Variants in ELAPOR1 observed in about 807,000 individuals in gnomAD.
ELAPOR1 encodes the protein endosome/lysosome-associated apoptosis and autophagy regulator 1.
Under a neutral mutation model 119.7 loss-of-function variants are expected in ELAPOR1, and 77 were observed. That is an observed-to-expected ratio of 0.64 (90% CI 0.54 to 0.78). ELAPOR1 has a LOEUF of 0.78. Among genes scored for constraint, ELAPOR1 ranks in the 30% least tolerant of loss-of-function variants. The pLI, the probability that ELAPOR1 is intolerant of heterozygous loss-of-function variation, is 0.00. For missense variants in ELAPOR1, 1,115 were observed against 1,270.4 expected, an observed-to-expected ratio of 0.88 and a Z score of 1.86; for synonymous variants, 481 against 487.2, an observed-to-expected ratio of 0.99 and a Z score of 0.17.
At chr1:109,149,222 G>A (rs1650375212) in intron 1 of ELAPOR1, among the ~76,000 whole-genome samples, 1 of 152,156 alleles carries the variant, frequency 6.6e-6, no homozygotes, top group Non-Finnish European at 1.5e-5. Context: ...GGCCAGAAAT[G>A]TCAGCGGGGC....
intron 10 of ELAPOR1, 29 bp downstream of exon 10, chr1:109,189,223 G>T: frequency 6.2e-7 from 1 of 1,607,720 alleles, no homozygotes; most frequent in Non-Finnish European, 8.5e-7. Flanking sequence ...GCCATGAGCT[G>T]TCAGCTCCCT....
intron 1 of ELAPOR1, among the ~76,000 whole-genome samples, chr1:109,155,879 A>G (rs1650845426): frequency 6.6e-6 from 1 of 152,182 alleles, no homozygotes; most frequent in Non-Finnish European, 1.5e-5. Flanking sequence ...GTGGTGACTC[A>G]CACTTGTAAT....
At chr1:109,166,633 CTTT>C (rs886292823) in intron 3 of ELAPOR1, among the ~76,000 whole-genome samples, 101 of 152,298 alleles carry the variant, frequency 6.6e-4, no homozygotes, top group African/African-American at 2.3e-3. Context: ...ATGACCTGCT[CTTT>C]GTTATCCGGT....
chr1:109,158,196 G>A (rs1243737515), intron 1 of ELAPOR1, among the ~76,000 whole-genome samples: 1 of 151,822 alleles, frequency 6.6e-6, no homozygotes, highest in Non-Finnish European at 1.5e-5. Flanking sequence ...CCTCTAAACT[G>A]TTACTTTGAT....
intron 12 of ELAPOR1, 46 bp from the exon 13 acceptor site, chr1:109,191,680 C>G: frequency 6.2e-7 from 1 of 1,609,102 alleles, no homozygotes; most frequent in East Asian, 2.2e-5. Context: ...GCACCCACTT[C>G]CCCTCTGGCC....
Position 109,161,908 on chromosome 1 carries a change from T to G in ELAPOR1, c.168T>G (p.Tyr56Ter). The change falls in exon 2 of 22, where the codon TAT becomes TAG. Residue 56 changes from tyrosine to a stop codon, truncating the protein, a stop_gained. Transcript: ENST00000369939. LOFTEE classifies it high-confidence loss of function. ...CTCCCCTGCAGTCTGAGTACCACTA[T>G]GAGTACACGGCGTGTGACAGCACGG... is the stretch of plus-strand genomic sequence containing the variant. ...LHACKESEYH[Y>*]EYTACDSTGS... 6.2e-7 allele frequency: 1 copy of G among 1,613,090 alleles called. No individual in the cohort carries two copies. The highest frequency in any genetic ancestry group is 1.1e-5 in the South Asian group (1 of 91,054).
In ELAPOR1 at chr1:109,114,174, G is replaced by C. The variant is rs1214508366; in HGVS notation, c.-10G>C. On this transcript the variant is annotated 5_prime_UTR_variant, in exon 1 of 22. Coordinates refer to ENST00000369939, the MANE Select transcript of ELAPOR1 (RefSeq NM_020775.5). ...CTGAGCCGCTACTGCCGCTCACTCA[G>C]GACAACGCTATGGCTGAGCCTGGGC... 1 of 1,579,442 alleles carries C rather than the reference G, an allele frequency of 6.3e-7. No homozygotes were observed. The highest frequency in any genetic ancestry group is 1.4e-5 in the African/African-American group (1 of 73,608).
intron 1 of ELAPOR1, among the ~76,000 whole-genome samples, chr1:109,122,801 A>G (rs1376523659): frequency 1.3e-5 from 2 of 152,184 alleles, no homozygotes; most frequent in African/African-American, 4.8e-5. Flanking sequence ...TACTAAAAAT[A>G]CAAAAATTAG....
intron 1 of ELAPOR1, among the ~76,000 whole-genome samples, chr1:109,130,641 C>T (rs146643781): frequency 9.2e-5 from 14 of 151,944 alleles, no homozygotes; most frequent in Admixed American, 5.9e-4. Flanking sequence ...GCACTGCACC[C>T]GGCCAGCATA....
Position 109,144,061 on chromosome 1 carries a change from A to ATATTTT in ELAPOR1, c.154-17832_154-17831insATTTTT. Among the ~76,000 whole-genome samples, 17 of 88,990 alleles carry ATATTTT rather than the reference A, an allele frequency of 1.9e-4. 1 individual carries two copies. Among genetic ancestry groups the ATATTTT allele is most frequent in the South Asian group, 7.1e-4 (2 of 2,836 alleles). The allele number at this position is 88,990 out of a possible 152,430, so 58.4% of individuals were successfully genotyped here. On this transcript the variant is annotated intron_variant, in intron 1 of 21. Coordinates refer to ENST00000369939, the MANE Select transcript of ELAPOR1 (RefSeq NM_020775.5). ...TATATATATATATATATATTTATAT[A>ATATTTT]TTTTTTTTTTTTTTTGAGATGGAGT...
chr1:109,197,341 T>A, intron 15 of ELAPOR1, 133 bp from the exon 16 acceptor site: 1 of 740,954 alleles, frequency 1.3e-6, no homozygotes, highest in Non-Finnish European at 2.3e-6. Flanking sequence ...AGACCTGGGA[T>A]GAATCATTCC....
chr1:109,150,930 G>A (rs950210073), intron 1 of ELAPOR1, among the ~76,000 whole-genome samples: 55 of 152,228 alleles, frequency 3.6e-4, no homozygotes, highest in African/African-American at 1.3e-3. Context: ...CCTGTGTAGG[G>A]AGGAGGAGGG....
At chr1:109,180,597 G>A (rs183805793) in intron 7 of ELAPOR1, among the ~76,000 whole-genome samples, 1 of 152,210 alleles carries the variant, frequency 6.6e-6, no homozygotes, top group Non-Finnish European at 1.5e-5. Flanking sequence ...TTTAGAAAGG[G>A]GCCTGGCATA....
intron 21 of ELAPOR1, 138 bp downstream of exon 21, chr1:109,201,038 C>A: frequency 1.2e-6 from 1 of 821,932 alleles, no homozygotes; most frequent in South Asian, 1.8e-5. Flanking sequence ...TTTCCCCACT[C>A]TGAAAATCCT....
intron 7 of ELAPOR1, among the ~76,000 whole-genome samples, chr1:109,175,960 CAAG>C (rs1652259235): frequency 6.6e-6 from 1 of 150,676 alleles, no homozygotes; most frequent in South Asian, 2.1e-4. Flanking sequence ...TATTGATGAA[CAAG>C]AAGATTTTGA....
At chr1:109,164,431 C>A in intron 2 of ELAPOR1, 68 bp from the exon 3 acceptor site, 1 of 1,412,824 alleles carries the variant, frequency 7.1e-7, no homozygotes, top group Non-Finnish European at 9.8e-7. Context: ...TTCAGCTGCT[C>A]GCAGCCCATT....
chr1:109,161,212 C>T lies in ELAPOR1; in HGVS notation c.154-682C>T, dbSNP rs558919589. Among the ~76,000 whole-genome samples, 21 of 151,860 alleles carry T rather than the reference C, an allele frequency of 1.4e-4. No homozygotes were observed. In the East Asian group the frequency reaches 4.1e-3, roughly 29 times the overall value. ...GGATCACAAAGTCAGGAGTTTGAGA[C>T]CAGCATGGCTAACATGGTGAAACCC... On this transcript the variant is annotated intron_variant, in intron 1 of 21. Coordinates refer to ENST00000369939, the MANE Select transcript of ELAPOR1 (RefSeq NM_020775.5).
rs1225675901 is a variant in ELAPOR1 at position 109,161,876 on chromosome 1, C to T, written c.154-18C>T. The T allele has an allele frequency of 6.3e-7, 1 of 1,599,096 alleles. No individual in the cohort carries two copies. The highest frequency in any genetic ancestry group is 8.6e-7 in the Non-Finnish European group (1 of 1,167,524). Reference sequence around the variant, plus strand: ...TCACTGCTAATGCACATTTCGCCCACTGTTCTCTCCCCTGCAGTCTGAGTA... The same window carrying T: ...TCACTGCTAATGCACATTTCGCCCATTGTTCTCTCCCCTGCAGTCTGAGTA... On this transcript the variant is annotated intron_variant, in intron 1 of 21. Transcript: ENST00000369939.
chr1:109,193,791 A>T (rs1653600239), intron 14 of ELAPOR1, among the ~76,000 whole-genome samples: 1 of 151,968 alleles, frequency 6.6e-6, no homozygotes, highest in Admixed American at 6.6e-5. Flanking sequence ...ACTCCTGGCA[A>T]CCTCTTTCGG....
Sources: allele counts gnomAD v4.1 joint callset (sites outside exome capture counted in the v4.1 genomes callset), GRCh38; gene constraint gnomAD v4.1.1; transcripts MANE v1.5; gene names NCBI Gene and HGNC (gene_info 2026-07-23, HGNC 2026-07-21).